Variants in KHDRBS2 observed in about 807,000 individuals in gnomAD.
KHDRBS2 encodes KH domain-containing, RNA-binding, signal transduction-associated protein 2.
KHDRBS2 carries 26 observed loss-of-function variants against 44.3 expected under a neutral mutation model. The ratio of observed to expected loss-of-function variants is 0.59; its 90% CI spans 0.43 to 0.81. The LOEUF (loss-of-function observed/expected upper bound fraction) is 0.81. Among genes scored for constraint, KHDRBS2 ranks in the 40% least tolerant of loss-of-function variants. KHDRBS2 has a pLI of 0.00. For missense variants in KHDRBS2, 476 were observed against 433.1 expected, an observed-to-expected ratio of 1.10 and a Z score of -0.88; for synonymous variants, 194 against 151.1, an observed-to-expected ratio of 1.28 and a Z score of -2.08.
At chr6:61,882,539 C>T (rs137934919) in intron 6 of KHDRBS2, among the ~76,000 whole-genome samples, 104 of 152,060 alleles carry the variant, frequency 6.8e-4, no homozygotes, top group African/African-American at 2.3e-3. Context: ...CCAAATTGAT[C>T]AACAACATGG....
At chr6:61,950,257 A>C (rs1280840680) in intron 4 of KHDRBS2, among the ~76,000 whole-genome samples, 1 of 152,062 alleles carries the variant, frequency 6.6e-6, no homozygotes, top group East Asian at 1.9e-4. Context: ...CTTGCTATTT[A>C]ACAGTAAGTG....
At chr6:62,152,385 T>C (rs1562963037) in intron 2 of KHDRBS2, among the ~76,000 whole-genome samples, 1 of 152,158 alleles carries the variant, frequency 6.6e-6, no homozygotes, top group East Asian at 1.9e-4. Flanking sequence ...CTTGAGATAA[T>C]ACAAATAAGT....
chr6:62,115,559 A>G (rs1371101158), intron 2 of KHDRBS2, among the ~76,000 whole-genome samples: 1 of 152,212 alleles, frequency 6.6e-6, no homozygotes, highest in Non-Finnish European at 1.5e-5. Flanking sequence ...AAATATAACA[A>G]TGGCAAAGTA....
the KHDRBS2 span, among the ~76,000 whole-genome samples, chr6:61,598,118 G>T: frequency 6.6e-6 from 1 of 150,928 alleles, no homozygotes; most frequent in Non-Finnish European, 1.5e-5. Flanking sequence ...AGACCCTGCT[G>T]ACTGTGAGGA....
At chr6:61,558,410 A>G in the KHDRBS2 span, among the ~76,000 whole-genome samples, 1 of 151,962 alleles carries the variant, frequency 6.6e-6, no homozygotes, top group Non-Finnish European at 1.5e-5. Context: ...AACTACAAAA[A>G]ATTTAGCTGT....
the KHDRBS2 span, among the ~76,000 whole-genome samples, chr6:61,645,898 A>T: frequency 6.6e-6 from 1 of 152,120 alleles, no homozygotes. Context: ...GGTGGTATGG[A>T]GGGTGGTATG....
intron 3 of KHDRBS2, among the ~76,000 whole-genome samples, chr6:61,978,967 A>G (rs1464941131): frequency 1.3e-5 from 2 of 151,916 alleles, no homozygotes; most frequent in Admixed American, 1.3e-4. Flanking sequence ...CTTTTGCACC[A>G]ACCTAATACA....
chr6:61,669,825 C>T, the KHDRBS2 span, among the ~76,000 whole-genome samples: 3 of 150,794 alleles, frequency 2.0e-5, no homozygotes, highest in Admixed American at 1.3e-4. Context: ...TGGATTAGTT[C>T]CATAGTACAT....
At chr6:61,933,975 A>G (rs1810560403) in intron 4 of KHDRBS2, among the ~76,000 whole-genome samples, 1 of 151,952 alleles carries the variant, frequency 6.6e-6, no homozygotes, top group South Asian at 2.1e-4. Context: ...TTCTTTCATA[A>G]TTTTTTGATA....
intron 3 of KHDRBS2, among the ~76,000 whole-genome samples, chr6:61,988,509 C>T (rs556046746): frequency 3.0e-4 from 45 of 152,094 alleles, no homozygotes; most frequent in Non-Finnish European, 5.4e-4. Context: ...TGGTCTAGGA[C>T]TACAGAGGTG....
chr6:62,246,736 TA>T (rs1410229145), intron 1 of KHDRBS2, among the ~76,000 whole-genome samples: 1 of 152,056 alleles, frequency 6.6e-6, no homozygotes, highest in Non-Finnish European at 1.5e-5. Flanking sequence ...GATATTAAGA[TA>T]TTTTTTCCTA....
the KHDRBS2 span, among the ~76,000 whole-genome samples, chr6:61,568,022 G>T: frequency 1.3e-5 from 2 of 151,810 alleles, no homozygotes; most frequent in East Asian, 3.9e-4. Context: ...TGTATATATA[G>T]AGAGATACAG....
intron 2 of KHDRBS2, among the ~76,000 whole-genome samples, chr6:62,081,789 G>A (rs1040981516): frequency 6.6e-6 from 1 of 151,664 alleles, no homozygotes; most frequent in African/African-American, 2.4e-5. Context: ...AGCATGGTTT[G>A]TTATTGTTAA....
intron 6 of KHDRBS2, among the ~76,000 whole-genome samples, chr6:61,835,651 A>C (rs940228560): frequency 4.0e-5 from 6 of 151,818 alleles, no homozygotes; most frequent in African/African-American, 1.5e-4. Context: ...TTTCATTGAC[A>C]TCATTTACAG....
intron 4 of KHDRBS2, among the ~76,000 whole-genome samples, chr6:61,961,977 G>GATATAT (rs3076263): frequency 0.013 from 1,949 of 150,670 alleles, 46 homozygotes; most frequent in African/African-American, 0.044. Context: ...TTTATGTGGA[G>GATATAT]ATATATATAT....
At chr6:61,974,553 C>A (rs1250665295) in intron 4 of KHDRBS2, among the ~76,000 whole-genome samples, 1 of 151,976 alleles carries the variant, frequency 6.6e-6, no homozygotes, top group Non-Finnish European at 1.5e-5. Context: ...TAATACTTCA[C>A]CTCCCAAAAG....
chr6:61,680,810 A>G lies in KHDRBS2; in HGVS notation c.*153T>C, dbSNP rs996094123. The G allele has an allele frequency of 5.2e-6, 3 of 575,554 alleles. No homozygotes were observed. In the African/African-American group the frequency reaches 5.7e-5, roughly 11 times the overall value. 35.7% of individuals were successfully genotyped at this position (575,554 alleles called of 1,614,324 possible). A position where few individuals can be genotyped will look rare whatever the true frequency, so the allele number is the denominator to read the frequency against. On this transcript the variant is annotated 3_prime_UTR_variant, in exon 9 of 9. Transcript: ENST00000281156. ...TGTCACGCCAACAGTACAGAGGGAA[A>G]TACTAGAAATATATGGGAGTAATCA...
the KHDRBS2 span, among the ~76,000 whole-genome samples, chr6:61,545,225 C>A: frequency 2.0e-5 from 3 of 151,886 alleles, no homozygotes. Context: ...GTGGGAGGAC[C>A]ACTTGAGGCC....
At chr6:61,985,890 G>T (rs777919280) in intron 3 of KHDRBS2, among the ~76,000 whole-genome samples, 1 of 151,826 alleles carries the variant, frequency 6.6e-6, no homozygotes, top group African/African-American at 2.4e-5. Context: ...ATAAATGACC[G>T]CTTTTATGTT....
Sources: gnomAD v4.1 joint callset for allele counts (sites outside exome capture counted in the v4.1 genomes callset) on GRCh38, gnomAD v4.1.1 for gene constraint, MANE v1.5 for transcripts, NCBI Gene and HGNC (gene_info 2026-07-23, HGNC 2026-07-21) for gene names.